PCDHA9: variants seen among roughly 807,000 people sequenced by gnomAD.
PCDHA9 encodes protocadherin alpha-9.
PCDHA9 carries 62 observed loss-of-function variants against 62.0 expected under a neutral mutation model. The observed-to-expected ratio is 1.00, with a 90% confidence interval of 0.81 to 1.23. PCDHA9 has a LOEUF of 1.23. Among genes scored for constraint, PCDHA9 ranks in the 50% most tolerant of loss-of-function variants. The pLI is 0.00. For missense variants in PCDHA9, 1,205 were observed against 1,249.8 expected (o/e 0.96, Z 0.54); for synonymous variants, 557 against 567.6 (o/e 0.98, Z 0.27).
chr5:140,952,028 T>C (rs2094677235), intron 1 of PCDHA9, among the ~76,000 whole-genome samples: 1 of 152,164 alleles, frequency 6.6e-6, no homozygotes, highest in Non-Finnish European at 1.5e-5. Flanking sequence ...AAGTCCGAAA[T>C]CCAGTAGGGC....
intron 1 of PCDHA9, chr5:140,969,451 T>C (rs1016577934): frequency 3.3e-6 from 5 of 1,511,952 alleles, no homozygotes; most frequent in Non-Finnish European, 3.6e-6. Context: ...GTAAACTGAG[T>C]ATATATAGTA....
In PCDHA9 at chr5:140,849,603, G is replaced by T; in HGVS notation, c.1108G>T (p.Ala370Ser). The T allele has an allele frequency of 6.3e-7, 1 of 1,598,696 alleles. No homozygotes were observed. The highest frequency in any genetic ancestry group is 8.6e-7 in the Non-Finnish European group (1 of 1,167,932). ...GGACGCACAACTGGGGACAGTTATT[G>T]CCCTGATTAGTGTGATCGACCTAGA... ...KEDAQLGTVI[A>S]LISVIDLDAD... The change falls in exon 1 of 4, where the codon GCC becomes TCC. Residue 370 changes from alanine to serine, a missense_variant. Transcript: ENST00000532602.
rs782516369 is a variant in PCDHA9 at position 140,857,545 on chromosome 5, C to T, written c.2394+6656C>T. The T allele has an allele frequency of 1.9e-6, 3 of 1,596,810 alleles. 1 individual carries two copies. The highest frequency in any genetic ancestry group is 1.1e-5 in the South Asian group (1 of 90,486). On this transcript the variant is annotated intron_variant, in intron 1 of 3. Transcript: ENST00000532602. ...ACTCTCTGGTGGAGCGGCGGTTGGGCGAGCGCTCGCTGTCGAGCTACGTGT... is the reference window on the plus strand; with the variant it reads ...ACTCTCTGGTGGAGCGGCGGTTGGGTGAGCGCTCGCTGTCGAGCTACGTGT...
chr5:140,912,101 A>G (rs781989328), intron 1 of PCDHA9, among the ~76,000 whole-genome samples: 2 of 152,194 alleles, frequency 1.3e-5, no homozygotes, highest in Non-Finnish European at 2.9e-5. Context: ...CAGGAGAAAG[A>G]TGTAGGCTGG....
intron 3 of PCDHA9, among the ~76,000 whole-genome samples, chr5:141,008,574 A>G (rs1554261815): frequency 1.3e-5 from 2 of 152,164 alleles, no homozygotes; most frequent in Admixed American, 1.3e-4. Context: ...TCATTTTCCC[A>G]AGACTCAGGG....
chr5:140,911,234 C>T (rs1554194655), intron 1 of PCDHA9, among the ~76,000 whole-genome samples: 1 of 151,890 alleles, frequency 6.6e-6, no homozygotes, highest in East Asian at 1.9e-4. Context: ...TTTCTTCTGG[C>T]AAAAAAAGTT....
At chr5:140,987,395 G>A (rs1438598842) in intron 3 of PCDHA9, among the ~76,000 whole-genome samples, 1 of 152,166 alleles carries the variant, frequency 6.6e-6, no homozygotes, top group East Asian at 1.9e-4. Flanking sequence ...ATGCAAGGAA[G>A]CCATCTGTTT....
chr5:140,861,729 C>T (rs947423551), intron 1 of PCDHA9: 5 of 192,220 alleles, frequency 2.6e-5, no homozygotes, highest in Non-Finnish European at 5.3e-5. Context: ...GCTCTGATGA[C>T]TTACATACTG....
intron 1 of PCDHA9, among the ~76,000 whole-genome samples, chr5:140,973,232 G>GA (rs2096577680): frequency 6.6e-6 from 1 of 152,196 alleles, no homozygotes; most frequent in African/African-American, 2.4e-5. Flanking sequence ...ATAGTGACCT[G>GA]AAAGAGTTAA....
chr5:140,982,487 A>G lies in PCDHA9; in HGVS notation c.2466A>G (p.Leu822=), dbSNP rs1417892860. 3 of 1,614,078 alleles carry G rather than the reference A, an allele frequency of 1.9e-6. No homozygotes were observed. Among genetic ancestry groups the G allele is most frequent in the Non-Finnish European group, 2.5e-6 (3 of 1,180,034 alleles). Residue 822 remains leucine (L), a synonymous_variant, in exon 3 of 4, where the codon CTA becomes CTG. Coordinates refer to ENST00000532602, the MANE Select transcript of PCDHA9 (RefSeq NM_031857.2). ...TGTGTTTATTCAGCTCTGTGCACCTAGAGGAGGCTGGCATTCTACGGGCTG... is the reference window on the plus strand; with the variant it reads ...TGTGTTTATTCAGCTCTGTGCACCTGGAGGAGGCTGGCATTCTACGGGCTG... The part of the protein sequence containing the change: ...LRAGMHSSVH[L]EEAGILRAGP...
At chr5:140,939,911 T>C (rs1554213037) in intron 1 of PCDHA9, among the ~76,000 whole-genome samples, 1 of 152,232 alleles carries the variant, frequency 6.6e-6, no homozygotes, top group African/African-American at 2.4e-5. Flanking sequence ...TTCTTTTTTA[T>C]TCTTTTTGTT....
intron 1 of PCDHA9, among the ~76,000 whole-genome samples, chr5:140,890,676 C>T (rs1377876863): frequency 3.3e-5 from 5 of 152,164 alleles, no homozygotes; most frequent in African/African-American, 1.2e-4. Flanking sequence ...AACCCTTCCT[C>T]CTTCTGGGAA....
intron 1 of PCDHA9, among the ~76,000 whole-genome samples, chr5:140,913,742 T>C (rs2153527691): frequency 6.6e-6 from 1 of 152,276 alleles, no homozygotes; most frequent in Non-Finnish European, 1.5e-5. Flanking sequence ...ATAGTACTCC[T>C]TTTGTTGTAT....
intron 1 of PCDHA9, chr5:140,866,113 T>C (rs1185424072): frequency 6.6e-6 from 1 of 152,196 alleles, no homozygotes; most frequent in African/African-American, 2.4e-5. Flanking sequence ...AAGAGTTGCC[T>C]TATAAGAACT....
intron 1 of PCDHA9, among the ~76,000 whole-genome samples, chr5:140,941,231 C>CTTTCTTTCTTTCTTTCTT (rs2092927472): frequency 2.2e-5 from 3 of 136,876 alleles, no homozygotes; most frequent in African/African-American, 8.3e-5. Context: ...TTCTTTCTTT[C>CTTTCTTTCTTTCTTTCTT]TTTCTTTCTT....
intron 3 of PCDHA9, among the ~76,000 whole-genome samples, chr5:140,988,622 A>G (rs192744779): frequency 6.6e-6 from 1 of 152,242 alleles, no homozygotes; most frequent in East Asian, 1.9e-4. Flanking sequence ...TAGAATGGAG[A>G]TGTCCTGGTT....
chr5:140,898,881 A>G (rs1472274164), intron 1 of PCDHA9, among the ~76,000 whole-genome samples: 1 of 152,102 alleles, frequency 6.6e-6, no homozygotes, highest in Non-Finnish European at 1.5e-5. Context: ...AGTGGTTTGT[A>G]GTTCTCCTTG....
At chr5:140,927,300 C>T (rs2084061617) in intron 1 of PCDHA9, 2 of 1,614,052 alleles carry the variant, frequency 1.2e-6, no homozygotes, top group South Asian at 2.2e-5. Flanking sequence ...TCCCCGAGTT[C>T]CTGACGCCCG....
chr5:140,967,837 C>T (rs2096189054), intron 1 of PCDHA9: 4 of 1,613,994 alleles, frequency 2.5e-6, no homozygotes, highest in African/African-American at 2.7e-5. Context: ...ACATCGTGGA[C>T]GTGAATGACA....
Sources: allele counts gnomAD v4.1 joint callset (sites outside exome capture counted in the v4.1 genomes callset), GRCh38; gene constraint gnomAD v4.1.1; transcripts MANE v1.5; gene names NCBI Gene and HGNC (gene_info 2026-07-23, HGNC 2026-07-21).